Variants in DOCK4 observed in about 807,000 individuals in gnomAD.
DOCK4 encodes the protein dedicator of cytokinesis 4, also known as dedicator of cytokinesis protein 4.
A neutral mutation model predicts 268.1 loss-of-function variants in DOCK4; 97 were observed. The ratio of observed to expected loss-of-function variants is 0.36; its 90% CI spans 0.31 to 0.43. DOCK4 has a LOEUF of 0.43. Among genes scored for constraint, DOCK4 ranks in the 20% least tolerant of loss-of-function variants. The pLI, the probability that DOCK4 is intolerant of heterozygous loss-of-function variation, is 1.00. For missense variants in DOCK4, 2,145 were observed against 2,455.7 expected, an observed-to-expected ratio of 0.87 and a Z score of 2.67; for synonymous variants, 954 against 887.2, an observed-to-expected ratio of 1.08 and a Z score of -1.34.
intron 30 of DOCK4, among the ~76,000 whole-genome samples, chr7:111,802,285 G>A (rs1051619770): frequency 1.3e-5 from 2 of 152,028 alleles, no homozygotes; most frequent in Non-Finnish European, 2.9e-5. Flanking sequence ...TTTCTGTTGG[G>A]GCAAAGGCTC....
chr7:112,145,247 C>T (rs1815357262), intron 1 of DOCK4, among the ~76,000 whole-genome samples: 1 of 152,152 alleles, frequency 6.6e-6, no homozygotes. Context: ...ATTTTATAGG[C>T]ATAAGTGTTC....
At chr7:111,893,801 C>T (rs1808492152) in intron 16 of DOCK4, among the ~76,000 whole-genome samples, 1 of 152,198 alleles carries the variant, frequency 6.6e-6, no homozygotes, top group Admixed American at 6.5e-5. Flanking sequence ...TTTTGTTTGC[C>T]ACTATTTTCC....
Position 111,915,763 on chromosome 7 carries a change from G to A in DOCK4, c.1192+16C>T, listed in dbSNP as rs202087543. 2.5e-5 allele frequency: 41 copies of A among 1,611,548 alleles called. No homozygotes were observed. The highest frequency in any genetic ancestry group is 8.9e-5 in the East Asian group (4 of 44,808). ...TACCCATATTTCATCATATCGGTACGTCCCAAGTCACCTACCAGGCATAAT... is the reference window on the plus strand; with the variant it reads ...TACCCATATTTCATCATATCGGTACATCCCAAGTCACCTACCAGGCATAAT... On this transcript the variant is annotated intron_variant, in intron 13 of 52. Coordinates refer to ENST00000428084, the MANE Select transcript of DOCK4 (RefSeq NM_001363540.2).
intron 43 of DOCK4, 134 bp from the exon 44 acceptor site, chr7:111,746,551 T>C (rs1317720382): frequency 1.5e-6 from 1 of 662,512 alleles, no homozygotes; most frequent in Non-Finnish European, 2.6e-6. Flanking sequence ...ATGGGCTGAT[T>C]ACTAGTGTAG....
chr7:112,186,252 C>T (rs1440763538), intron 1 of DOCK4, among the ~76,000 whole-genome samples: 1 of 152,196 alleles, frequency 6.6e-6, no homozygotes, highest in African/African-American at 2.4e-5. Flanking sequence ...AGTTGCTTAG[C>T]TTTATGGTAA....
intron 1 of DOCK4, among the ~76,000 whole-genome samples, chr7:112,183,696 G>A (rs1285196433): frequency 1.3e-5 from 2 of 152,214 alleles, no homozygotes; most frequent in Non-Finnish European, 2.9e-5. Context: ...GGGAGTGGGG[G>A]TGAGGGTTGG....
intron 10 of DOCK4, among the ~76,000 whole-genome samples, chr7:111,940,979 C>A (rs934428835): frequency 7.2e-5 from 11 of 152,080 alleles, no homozygotes; most frequent in African/African-American, 2.4e-4. Context: ...TCAACACAAC[C>A]ATAAATTGTT....
chr7:112,086,546 C>T (rs1226607802), intron 1 of DOCK4, among the ~76,000 whole-genome samples: 4 of 152,056 alleles, frequency 2.6e-5, no homozygotes, highest in East Asian at 3.9e-4. Flanking sequence ...AAAGCTGTGG[C>T]AATACAGCAG....
intron 27 of DOCK4, among the ~76,000 whole-genome samples, chr7:111,813,906 C>T (rs12113183): frequency 0.07 from 10,624 of 152,252 alleles, 1,258 homozygotes; most frequent in African/African-American, 0.24. Flanking sequence ...AGTAAGATCA[C>T]TGGACTTCTA....
At chr7:111,768,989 A>G (rs1797944557) in intron 37 of DOCK4, among the ~76,000 whole-genome samples, 1 of 152,184 alleles carries the variant, frequency 6.6e-6, no homozygotes, top group African/African-American at 2.4e-5. Flanking sequence ...TAGTGCCCTT[A>G]TAAAAGAGGC....
intron 1 of DOCK4, among the ~76,000 whole-genome samples, chr7:112,015,706 AATATACTGTCTTAGTCC>A (rs1402129849): frequency 6.6e-6 from 1 of 152,230 alleles, no homozygotes; most frequent in Non-Finnish European, 1.5e-5. Context: ...ATGTTGAAAA[AATATACTGTCTTAGTCC>A]ATTTTGTGCT....
intron 20 of DOCK4, among the ~76,000 whole-genome samples, chr7:111,871,695 G>T (rs1806441431): frequency 6.6e-6 from 1 of 152,198 alleles, no homozygotes. Context: ...GCCGAAGTGA[G>T]ATAACCAGAC....
intron 1 of DOCK4, among the ~76,000 whole-genome samples, chr7:112,042,723 C>A (rs912633776): frequency 6.6e-6 from 1 of 152,150 alleles, no homozygotes; most frequent in Admixed American, 6.5e-5. Flanking sequence ...GCATGTCGGG[C>A]AGTGCTATGG....
intron 12 of DOCK4, among the ~76,000 whole-genome samples, chr7:111,916,628 CT>C (rs1792607240): frequency 6.6e-6 from 1 of 152,062 alleles, no homozygotes; most frequent in Non-Finnish European, 1.5e-5. Context: ...ATGCAAAACA[CT>C]TTTTATCATA....
At chr7:112,070,500 T>C (rs1807488712) in intron 1 of DOCK4, among the ~76,000 whole-genome samples, 1 of 152,144 alleles carries the variant, frequency 6.6e-6, no homozygotes. Flanking sequence ...GGAAATAGGA[T>C]TTAAGTTTTA....
At position 112,049,618 on chromosome 7, in the gene DOCK4, G is replaced by T. The variant is rs1374182028; in HGVS notation, c.38-45487C>A. 2.0e-5 allele frequency among the ~76,000 whole-genome samples: 3 copies of T among 152,222 alleles called. No homozygotes were observed. The East Asian group carries it at 5.8e-4, about 29-fold the overall frequency. On this transcript the variant is annotated intron_variant, in intron 1 of 52. Coordinates refer to ENST00000428084, the MANE Select transcript of DOCK4 (RefSeq NM_001363540.2). ...TTGTCATATTGGATTAAAAAAGCAA[G>T]ACTAAACTATATGCTGTCTACAAGG...
rs576488164 is a variant in DOCK4 at position 112,018,176 on chromosome 7, A to C, written c.38-14045T>G. ...AAAAAAAAAAAAAAAAAAAAAAAAA[A>C]AAAACACAGGCAACCAGTATTCATG... On this transcript the variant is annotated intron_variant, in intron 1 of 52. Coordinates refer to ENST00000428084, the MANE Select transcript of DOCK4 (RefSeq NM_001363540.2). 4.3e-4 allele frequency among the ~76,000 whole-genome samples: 57 copies of C among 134,036 alleles called. 5 individuals carry two copies. The highest frequency in any genetic ancestry group is 2.3e-3 in the East Asian group (9 of 3,944). The allele number at this position is 134,036 out of a possible 152,430, so 87.9% of individuals were successfully genotyped here. A position where few individuals can be genotyped will look rare whatever the true frequency, so the allele number is the denominator to read the frequency against.
At chr7:112,042,926 G>A (rs1240375966) in intron 1 of DOCK4, among the ~76,000 whole-genome samples, 1 of 152,158 alleles carries the variant, frequency 6.6e-6, no homozygotes, top group Non-Finnish European at 1.5e-5. Context: ...AGCAAGCTCA[G>A]CCTCTCGTGC....
chr7:111,983,856 G>A (rs145851031), intron 7 of DOCK4, among the ~76,000 whole-genome samples: 17,176 of 91,918 alleles, frequency 0.19, 1,627 homozygotes, highest in East Asian at 0.41. Context: ...GCGCGCGCGC[G>A]CGCGCGCACA....
Sources: gnomAD v4.1 joint callset for allele counts (sites outside exome capture counted in the v4.1 genomes callset) on GRCh38, gnomAD v4.1.1 for gene constraint, MANE v1.5 for transcripts, NCBI Gene and HGNC (gene_info 2026-07-23, HGNC 2026-07-21) for gene names.